HCN1: variants seen among roughly 807,000 people sequenced by gnomAD.
HCN1 encodes the protein hyperpolarization activated cyclic nucleotide gated potassium channel 1, also known as potassium/sodium hyperpolarization-activated cyclic nucleotide-gated channel 1.
Under a neutral mutation model 78.9 loss-of-function variants are expected in HCN1, and 13 were observed. The ratio of observed to expected loss-of-function variants is 0.16; its 90% CI spans 0.11 to 0.26. The LOEUF (loss-of-function observed/expected upper bound fraction) is 0.26. Ranked by LOEUF, HCN1 falls within the 10% of genes least tolerant of loss-of-function variation. The pLI, the probability that HCN1 is intolerant of heterozygous loss-of-function variation, is 1.00. For missense variants in HCN1, 810 were observed against 1,154.3 expected, an observed-to-expected ratio of 0.70 and a Z score of 4.32; for synonymous variants, 552 against 455.5, an observed-to-expected ratio of 1.21 and a Z score of -2.70.
intron 5 of HCN1, among the ~76,000 whole-genome samples, chr5:45,304,360 T>C (rs1055267354): frequency 1.3e-5 from 2 of 151,580 alleles, no homozygotes; most frequent in African/African-American, 4.8e-5. Context: ...CAGAAAAAGG[T>C]TACACAAAGG....
intron 2 of HCN1, chr5:45,576,102 C>T: frequency 6.6e-6 from 1 of 151,890 alleles, no homozygotes; most frequent in East Asian, 1.9e-4. Context: ...TTGCCGGATT[C>T]AAGAATTCAA....
At chr5:45,577,050 A>G (rs1743961831) in intron 2 of HCN1, among the ~76,000 whole-genome samples, 1 of 152,112 alleles carries the variant, frequency 6.6e-6, no homozygotes, top group African/African-American at 2.4e-5. Context: ...ACCTGAATGT[A>G]TATCTTTATT....
intron 5 of HCN1, among the ~76,000 whole-genome samples, chr5:45,350,917 G>A (rs1344670739): frequency 6.6e-6 from 1 of 152,136 alleles, no homozygotes; most frequent in African/African-American, 2.4e-5. Context: ...TCATGGGTAG[G>A]AAGAATCAAT....
intron 4 of HCN1, among the ~76,000 whole-genome samples, chr5:45,363,771 C>G (rs1022621310): frequency 6.6e-6 from 1 of 151,952 alleles, no homozygotes; most frequent in Non-Finnish European, 1.5e-5. Flanking sequence ...GCTTTTGCTT[C>G]CTCCTCATTT....
intron 2 of HCN1, among the ~76,000 whole-genome samples, chr5:45,614,859 C>T (rs1744910915): frequency 6.6e-6 from 1 of 151,820 alleles, no homozygotes; most frequent in South Asian, 2.1e-4. Context: ...TATGTCACCC[C>T]ACCCAACTCC....
chr5:45,258,364 TAGTATGCTC>T lies in HCN1; in HGVS notation c.*3548_*3556del, dbSNP rs1744663220. 1 of 152,164 alleles carries T rather than the reference TAGTATGCTC, an allele frequency of 6.6e-6. No homozygotes were observed. Among genetic ancestry groups the T allele is most frequent in the Admixed American group, 6.5e-5 (1 of 15,274 alleles). 9.4% of individuals were successfully genotyped at this position (152,164 alleles called of 1,614,324 possible). On this transcript the variant is annotated 3_prime_UTR_variant, in exon 8 of 8. Coordinates refer to ENST00000303230, the MANE Select transcript of HCN1 (RefSeq NM_021072.4). ...TATGTACTTTGTAGTGTCCTGAAAA[TAGTATGCTC>T]AGTTAAGTTTATAAATTGCAAAATA...
chr5:45,669,343 G>A (rs950591843), intron 1 of HCN1, among the ~76,000 whole-genome samples: 2 of 151,828 alleles, frequency 1.3e-5, no homozygotes, highest in Non-Finnish European at 2.9e-5. Context: ...TCTTATGCCA[G>A]AGAAGCTAGG....
intron 6 of HCN1, among the ~76,000 whole-genome samples, chr5:45,289,561 C>T (rs899794841): frequency 2.0e-5 from 3 of 152,050 alleles, no homozygotes; most frequent in Non-Finnish European, 2.9e-5. Context: ...GCTCATTAAT[C>T]ACACCAGAGT....
rs139467796 is a variant in HCN1 at position 45,454,011 on chromosome 5, C to T, written c.1011+7835G>A. On this transcript the variant is annotated intron_variant, in intron 3 of 7. Coordinates refer to ENST00000303230, the MANE Select transcript of HCN1 (RefSeq NM_021072.4). ...AAATTTAAGAGCCAGTCTATGTAAGCGGGAACAAAAACATGTTTGGAACTT... is the reference window on the plus strand; with the variant it reads ...AAATTTAAGAGCCAGTCTATGTAAGTGGGAACAAAAACATGTTTGGAACTT... Among the ~76,000 whole-genome samples, 255 of 152,132 alleles carry T rather than the reference C, an allele frequency of 1.7e-3. 1 individual carries two copies. The highest frequency in any genetic ancestry group is 5.9e-3 in the African/African-American group (244 of 41,530).
chr5:45,669,899 T>C (rs1488386520), intron 1 of HCN1, among the ~76,000 whole-genome samples: 1 of 151,692 alleles, frequency 6.6e-6, no homozygotes, highest in African/African-American at 2.4e-5. Flanking sequence ...TTAGAATAAG[T>C]GAAATTTGAT....
At chr5:45,312,800 G>A (rs767593157) in intron 5 of HCN1, among the ~76,000 whole-genome samples, 1 of 152,210 alleles carries the variant, frequency 6.6e-6, no homozygotes, top group Non-Finnish European at 1.5e-5. Flanking sequence ...GAATCGCAAG[G>A]TGGCAGTGAG....
At chr5:45,425,402 A>C (rs1455760946) in intron 3 of HCN1, among the ~76,000 whole-genome samples, 2 of 152,242 alleles carry the variant, frequency 1.3e-5, no homozygotes, top group East Asian at 3.8e-4. Context: ...AGTGCATAAA[A>C]TAACTCTAGG....
chr5:45,394,279 G>T (rs1739641683), intron 4 of HCN1, among the ~76,000 whole-genome samples: 1 of 152,082 alleles, frequency 6.6e-6, no homozygotes, highest in African/African-American at 2.4e-5. Flanking sequence ...CTAACAGATT[G>T]TCTAGGAGAA....
At position 45,266,210 on chromosome 5, in the gene HCN1, A is replaced by AT. The variant is rs562325575; in HGVS notation, c.1783+878dup. On this transcript the variant is annotated intron_variant, in intron 7 of 7. Transcript: ENST00000303230. ...TAAGGCCTAATGGTTGTATATATAT[A>AT]TTTTTTTATTTGGTAGCAGAAAAGA... 1.6e-4 allele frequency among the ~76,000 whole-genome samples: 24 copies of AT among 152,188 alleles called. No homozygotes were observed. The South Asian group carries it at 3.1e-3, about 20-fold the overall frequency.
intron 1 of HCN1, among the ~76,000 whole-genome samples, chr5:45,679,841 G>C (rs1259196527): frequency 6.6e-6 from 1 of 151,986 alleles, no homozygotes; most frequent in East Asian, 1.9e-4. Flanking sequence ...TGGGCCTGTT[G>C]TTGCTGTGAC....
At chr5:45,485,807 T>G (rs1741746930) in intron 2 of HCN1, among the ~76,000 whole-genome samples, 1 of 151,764 alleles carries the variant, frequency 6.6e-6, no homozygotes, top group African/African-American at 2.4e-5. Flanking sequence ...GTGCAGGGGG[T>G]GAAGGTCACT....
At chr5:45,292,791 T>A (rs1424025510) in intron 6 of HCN1, among the ~76,000 whole-genome samples, 3 of 151,978 alleles carry the variant, frequency 2.0e-5, no homozygotes, top group Non-Finnish European at 4.4e-5. Flanking sequence ...AAAGAAAATA[T>A]ATCTATCCAT....
chr5:45,303,180 A>G (rs1355803765), intron 6 of HCN1, among the ~76,000 whole-genome samples: 3 of 152,246 alleles, frequency 2.0e-5, no homozygotes, highest in African/African-American at 7.2e-5. Flanking sequence ...GGAATATCAA[A>G]CAGAAGCTGT....
chr5:45,658,186 T>A (rs1745816340), intron 1 of HCN1, among the ~76,000 whole-genome samples: 1 of 152,186 alleles, frequency 6.6e-6, no homozygotes, highest in South Asian at 2.1e-4. Flanking sequence ...GCTAGCCATA[T>A]GTAGAAAGCT....
Sources: allele counts gnomAD v4.1 joint callset (sites outside exome capture counted in the v4.1 genomes callset), GRCh38; gene constraint gnomAD v4.1.1; transcripts MANE v1.5; gene names NCBI Gene and HGNC (gene_info 2026-07-23, HGNC 2026-07-21).